The following TEC variants were observed in gnomAD, a reference collection of about 807,000 sequenced individuals.
The protein encoded by TEC is tec protein tyrosine kinase.
TEC carries 72 observed loss-of-function variants against 93.0 expected under a neutral mutation model. The ratio of observed to expected loss-of-function variants is 0.77; its 90% confidence interval spans 0.64 to 0.94. The LOEUF (loss-of-function observed/expected upper bound fraction) is 0.94. Among genes scored for constraint, TEC ranks in the 40% least tolerant of loss-of-function variants. The pLI is 0.00. For synonymous variants in TEC, 249 were observed against 247.7 expected (o/e 1.01, Z -0.05); for missense variants, 630 against 757.9 (o/e 0.83, Z 1.98).
chr4:48,179,357 TATATATATATATATATA>T (rs1304037736), intron 2 of TEC, among the ~76,000 whole-genome samples: 31 of 38,826 alleles, frequency 8.0e-4, no homozygotes, highest in African/African-American at 2.0e-3. Context: ...TATATATATA[TATATATATATATATATA>T]TATTTTTTTT....
intron 3 of TEC, among the ~76,000 whole-genome samples, chr4:48,173,399 A>T (rs1447040142): frequency 6.6e-6 from 1 of 152,128 alleles, no homozygotes; most frequent in East Asian, 1.9e-4. Context: ...TTCTACGAGA[A>T]GTTTCTAGGA....
At chr4:48,141,905 C>T (rs964756429) in intron 14 of TEC, among the ~76,000 whole-genome samples, 10 of 152,052 alleles carry the variant, frequency 6.6e-5, no homozygotes, top group Non-Finnish European at 1.5e-5. Context: ...CCATCTGCCT[C>T]GGCCTCCCCC....
intron 14 of TEC, among the ~76,000 whole-genome samples, chr4:48,143,870 A>C (rs1389930355): frequency 6.6e-6 from 1 of 152,218 alleles, no homozygotes; most frequent in Non-Finnish European, 1.5e-5. Flanking sequence ...TGATTAAACA[A>C]GTTTATTTGT....
At chr4:48,166,181 T>C (rs1720866181) in intron 7 of TEC, among the ~76,000 whole-genome samples, 1 of 152,080 alleles carries the variant, frequency 6.6e-6, no homozygotes, top group South Asian at 2.1e-4. Context: ...GGTGTACAGG[T>C]TGGAAGATCC....
At chr4:48,268,672 C>G (rs1222139325) in intron 1 of TEC, among the ~76,000 whole-genome samples, 1 of 152,168 alleles carries the variant, frequency 6.6e-6, no homozygotes, top group Non-Finnish European at 1.5e-5. Context: ...TTTGTTTCTT[C>G]CCAGCTCTTT....
chr4:48,162,698 C>A (rs1577711741), intron 8 of TEC, among the ~76,000 whole-genome samples: 3 of 152,152 alleles, frequency 2.0e-5, no homozygotes, highest in East Asian at 3.8e-4. Flanking sequence ...AACTTGTTAA[C>A]CCTTTCCTAG....
At chr4:48,187,873 T>C (rs748033073) in intron 2 of TEC, among the ~76,000 whole-genome samples, 2 of 152,372 alleles carry the variant, frequency 1.3e-5, no homozygotes, top group African/African-American at 4.8e-5. Context: ...CCAAAATTAA[T>C]AAATTCAATC....
intron 9 of TEC, among the ~76,000 whole-genome samples, chr4:48,154,597 A>AT (rs1160867824): frequency 3.7e-4 from 57 of 152,292 alleles, no homozygotes; most frequent in African/African-American, 1.1e-3. Context: ...AGAAAAAGTA[A>AT]TTTTTTCTAG....
chr4:48,227,583 C>T (rs1391511164), intron 2 of TEC, among the ~76,000 whole-genome samples: 1 of 145,092 alleles, frequency 6.9e-6, no homozygotes, highest in Non-Finnish European at 1.5e-5. Flanking sequence ...ATGGAGGTTA[C>T]TGTGAGCCGA....
chr4:48,167,468 T>C (rs1295006794), intron 7 of TEC, among the ~76,000 whole-genome samples: 3 of 152,152 alleles, frequency 2.0e-5, no homozygotes, highest in Non-Finnish European at 4.4e-5. Flanking sequence ...CTAAGATTAC[T>C]TACTTATGGC....
At position 48,225,533 on chromosome 4, in the gene TEC, T is replaced by C. The variant is rs545231290; in HGVS notation, c.138+2944A>G. Among the ~76,000 whole-genome samples, 14 of 152,202 alleles carry C rather than the reference T, an allele frequency of 9.2e-5. No homozygotes were observed. The South Asian group carries it at 1.0e-3, about 11-fold the overall frequency. ...GGATAGGGAGATGGAAATCAGAAGATTGATCCACGGCAAACAGTGAACTGA... is the reference window on the plus strand; with the variant it reads ...GGATAGGGAGATGGAAATCAGAAGACTGATCCACGGCAAACAGTGAACTGA... On this transcript the variant is annotated intron_variant, in intron 2 of 17. Transcript: ENST00000381501.
intron 1 of TEC, among the ~76,000 whole-genome samples, chr4:48,262,830 G>C (rs1181790738): frequency 6.6e-6 from 1 of 152,156 alleles, no homozygotes; most frequent in African/African-American, 2.4e-5. Context: ...TAAAGTAATT[G>C]TTGCACCCAC....
chr4:48,219,305 T>C (rs575440674), intron 2 of TEC, among the ~76,000 whole-genome samples: 4 of 152,302 alleles, frequency 2.6e-5, no homozygotes, highest in Non-Finnish European at 5.9e-5. Flanking sequence ...AAGGCACCCA[T>C]TACTTAGCAG....
chr4:48,256,060 A>G (rs1724332534), intron 1 of TEC, among the ~76,000 whole-genome samples: 1 of 152,246 alleles, frequency 6.6e-6, no homozygotes, highest in Non-Finnish European at 1.5e-5. Context: ...AAATACAATT[A>G]TGAATAACAC....
At chr4:48,213,831 G>C (rs1722987643) in intron 2 of TEC, among the ~76,000 whole-genome samples, 1 of 151,860 alleles carries the variant, frequency 6.6e-6, no homozygotes, top group Non-Finnish European at 1.5e-5. Context: ...TGTTGCCCAG[G>C]CTAGACGTAA....
Position 48,138,807 on chromosome 4 carries a change from T to A in TEC, c.1670A>T (p.Glu557Val). The part of the protein sequence containing the change: ...DVWSFGVLMW[E>V]VFTEGRMPFE... The stretch of plus-strand genomic sequence containing the variant: ...AGGCATTCTGCCTTCCGTGAATACT[T>A]CCCACATTAAAACACCTGGAAAAGG... Residue 557 changes from glutamate (E) to valine (V), a missense_variant, in exon 17 of 18, where the codon GAA becomes GTA. Physicochemically the swap from Glu to Val is moderately radical, Grantham distance 121. This residue lies in a region of TEC where 289 missense variants were observed against 390.0 expected (regional missense o/e 0.74). Coordinates refer to ENST00000381501, the MANE Select transcript of TEC (RefSeq NM_003215.3). 6.2e-7 allele frequency: 1 copy of A among 1,613,832 alleles called. No homozygotes were observed. Among genetic ancestry groups the A allele is most frequent in the South Asian group, 1.1e-5 (1 of 91,030 alleles).
At chr4:48,257,926 A>T (rs1724388329) in intron 1 of TEC, among the ~76,000 whole-genome samples, 1 of 152,230 alleles carries the variant, frequency 6.6e-6, no homozygotes, top group Non-Finnish European at 1.5e-5. Flanking sequence ...CAGTGAAAAA[A>T]TTATCTTAGA....
rs572278022 is a variant in TEC at position 48,167,290 on chromosome 4, T to C, written c.671+488A>G. On this transcript the variant is annotated intron_variant, in intron 7 of 17. Transcript: ENST00000381501. ...ACACATATAGACACACACATATACA[T>C]ATATATATATTCTCTTATTCCTCCA... is the stretch of plus-strand genomic sequence containing the variant. Among the ~76,000 whole-genome samples, 4 of 148,842 alleles carry C rather than the reference T, an allele frequency of 2.7e-5. No homozygotes were observed. In the East Asian group the frequency reaches 7.7e-4, roughly 29 times the overall value.
intron 2 of TEC, among the ~76,000 whole-genome samples, chr4:48,179,338 G>GTATGTATATA (rs1721462657): frequency 1.9e-5 from 1 of 51,660 alleles, no homozygotes; most frequent in African/African-American, 9.5e-5. Context: ...GACGTGGGTA[G>GTATGTATATA]TATATATATA....
Sources: gnomAD v4.1 joint callset for allele counts (sites outside exome capture counted in the v4.1 genomes callset) on GRCh38, gnomAD v4.1.1 for gene constraint, gnomAD v4.1.1 regional missense constraint, MANE v1.5 for transcripts, NCBI Gene and HGNC (gene_info 2026-07-23, HGNC 2026-07-21) for gene names.